Variants in DDX10 observed in about 807,000 individuals in gnomAD.
DDX10 encodes the protein probable ATP-dependent RNA helicase DDX10.
A neutral mutation model predicts 104.3 loss-of-function variants in DDX10; 74 were observed. The observed-to-expected ratio is 0.71, with a 90% confidence interval of 0.59 to 0.86. The LOEUF (loss-of-function observed/expected upper bound fraction) is 0.86, where lower values mean the gene tolerates loss of function less well. DDX10 is among the 40% of genes least tolerant of loss of function. The pLI is 0.00. For missense variants in DDX10, 952 were observed against 1,040.0 expected (o/e 0.92, Z 1.16); for synonymous variants, 351 against 353.4 (o/e 0.99, Z 0.08).
At chr11:108,746,031 C>T (rs779861357) in intron 13 of DDX10, among the ~76,000 whole-genome samples, 2 of 152,084 alleles carry the variant, frequency 1.3e-5, no homozygotes, top group Non-Finnish European at 2.9e-5. Context: ...TTTATCACTT[C>T]CAAAAAGAAC....
chr11:108,833,478 A>G (rs1042160016), intron 13 of DDX10, among the ~76,000 whole-genome samples: 12 of 152,228 alleles, frequency 7.9e-5, no homozygotes, highest in Non-Finnish European at 1.6e-4. Context: ...ATTCTAGAGT[A>G]TCAGACAAAG....
chr11:108,677,413 A>G (rs141732174), intron 4 of DDX10, among the ~76,000 whole-genome samples, 170 bp downstream of exon 4: 120 of 151,996 alleles, frequency 7.9e-4, no homozygotes, highest in African/African-American at 2.8e-3. Flanking sequence ...CTGGTTGCCA[A>G]TTTTGCAGGC....
At chr11:108,887,999 A>G (rs1395219383) in intron 16 of DDX10, among the ~76,000 whole-genome samples, 2 of 151,200 alleles carry the variant, frequency 1.3e-5, no homozygotes, top group African/African-American at 2.4e-5. Flanking sequence ...CTTGGTTTTT[A>G]TAGTGTTTTC....
rs140088277 is a variant in DDX10, at chr11:108,738,694, C to A, written c.1965+15232C>A. Among the ~76,000 whole-genome samples the A allele has an allele frequency of 5.7e-3, 866 of 152,248 alleles. 4 individuals carry two copies. The highest frequency in any genetic ancestry group is 0.024 in the South Asian group (117 of 4,830). On this transcript the variant is annotated intron_variant, in intron 13 of 17. Transcript: ENST00000322536. ...GTTTTATGACAGAAATTTCAGATTT[C>A]TTTGGCTTTTCTGATTCATTTACTG...
chr11:108,767,560 C>CTAAA, intron 13 of DDX10, among the ~76,000 whole-genome samples: 1 of 152,160 alleles, frequency 6.6e-6, no homozygotes, highest in Non-Finnish European at 1.5e-5. Context: ...GTGCTTTATG[C>CTAAA]CCTAGCAGTT....
At position 108,679,523 on chromosome 11, in the gene DDX10, C is replaced by A. The variant is rs142321169; in HGVS notation, c.811C>A (p.Pro271Thr). Residue 271 changes from proline (P) to threonine (T), a missense_variant, in exon 6 of 18, where the codon CCT becomes ACT. By Grantham distance (38) the Pro-to-Thr change is conservative. Transcript: ENST00000322536. ...KDLARLSLKNPEYVWVHEKAK... is the reference protein window; with the variant it reads ...KDLARLSLKNTEYVWVHEKAK... ...CCTTGCACGCTTGAGTTTGAAAAAC[C>A]CTGAGTATGTCTGGGTTCATGAAAA... 1 of 1,611,736 alleles carries A rather than the reference C, an allele frequency of 6.2e-7. No individual in the cohort carries two copies. Among genetic ancestry groups the A allele is most frequent in the Middle Eastern group, 1.7e-4 (1 of 6,044 alleles).
intron 10 of DDX10, 63 bp from the exon 11 acceptor site, chr11:108,715,816 T>C: frequency 1.3e-6 from 1 of 798,280 alleles, no homozygotes; most frequent in Non-Finnish European, 2.1e-6. Flanking sequence ...AAAATGCTGC[T>C]TACTATTTTT....
At chr11:108,803,578 G>T (rs1292532748) in intron 13 of DDX10, among the ~76,000 whole-genome samples, 1 of 83,214 alleles carries the variant, frequency 1.2e-5, no homozygotes, top group Non-Finnish European at 2.3e-5. Flanking sequence ...TGGGCAACAA[G>T]AGCGAAAAAA....
intron 13 of DDX10, among the ~76,000 whole-genome samples, chr11:108,827,687 T>G (rs946480545): frequency 6.6e-6 from 1 of 152,204 alleles, no homozygotes; most frequent in Non-Finnish European, 1.5e-5. Flanking sequence ...TTGTATCTAT[T>G]GTACCCTTCC....
intron 16 of DDX10, among the ~76,000 whole-genome samples, chr11:108,898,795 G>C (rs1394947929): frequency 6.6e-6 from 1 of 152,160 alleles, no homozygotes; most frequent in Non-Finnish European, 1.5e-5. Context: ...CTTGAATGTG[G>C]CGTCCAGAAG....
At chr11:108,672,016 G>A (rs1485093629) in intron 1 of DDX10, among the ~76,000 whole-genome samples, 2 of 141,958 alleles carry the variant, frequency 1.4e-5, no homozygotes, top group Non-Finnish European at 3.0e-5. Flanking sequence ...AGCCAAGTTC[G>A]CGCCACTGCA....
At chr11:108,924,744 C>T (rs1394581136) in intron 17 of DDX10, among the ~76,000 whole-genome samples, 1 of 152,190 alleles carries the variant, frequency 6.6e-6, no homozygotes, top group Non-Finnish European at 1.5e-5. Context: ...ATTTTACAGT[C>T]AGCTTCATAA....
chr11:108,923,450 A>T (rs1472156333), intron 17 of DDX10, among the ~76,000 whole-genome samples: 3 of 152,226 alleles, frequency 2.0e-5, no homozygotes, highest in Admixed American at 2.0e-4. Flanking sequence ...CTTCTGCATT[A>T]TTTAAATCAT....
At chr11:108,735,575 T>C (rs1004363196) in intron 13 of DDX10, among the ~76,000 whole-genome samples, 2 of 152,152 alleles carry the variant, frequency 1.3e-5, no homozygotes, top group Non-Finnish European at 2.9e-5. Context: ...GAAAATATTA[T>C]TGTTCCTCCT....
Position 108,665,359 on chromosome 11 carries a change from G to A in DDX10, c.186+20G>A, listed in dbSNP as rs757540262. ...GAAAAGGTGAGGCCGGCGCTGGGGA[G>A]GGGGCTCGGGCCGGCCAGCAGCGGG... On this transcript the variant is annotated intron_variant, in intron 1 of 17. Coordinates refer to ENST00000322536, the MANE Select transcript of DDX10 (RefSeq NM_004398.4). 6 of 1,548,944 alleles carry A rather than the reference G, an allele frequency of 3.9e-6. No homozygotes were observed. The African/African-American group carries it at 6.9e-5, about 18-fold the overall frequency.
intron 15 of DDX10, among the ~76,000 whole-genome samples, chr11:108,846,417 C>T (rs1378030795): frequency 1.3e-5 from 2 of 152,166 alleles, no homozygotes; most frequent in East Asian, 1.9e-4. Flanking sequence ...TCCCTTTGCC[C>T]ATCTCCCCTG....
At chr11:108,908,191 A>C (rs1371810244) in intron 16 of DDX10, among the ~76,000 whole-genome samples, 1 of 152,236 alleles carries the variant, frequency 6.6e-6, no homozygotes, top group Non-Finnish European at 1.5e-5. Flanking sequence ...TTAACTACTG[A>C]GGATGGTCAG....
intron 13 of DDX10, among the ~76,000 whole-genome samples, chr11:108,748,574 A>G (rs926047271): frequency 5.3e-5 from 8 of 152,226 alleles, no homozygotes; most frequent in Admixed American, 2.6e-4. Context: ...CCGAATTAAA[A>G]TAGAAATCAG....
chr11:108,702,009 C>G (rs199520784), intron 9 of DDX10, among the ~76,000 whole-genome samples: 2 of 152,072 alleles, frequency 1.3e-5, no homozygotes, highest in Non-Finnish European at 2.9e-5. Flanking sequence ...TCTGCTGAAA[C>G]AGCTTCTAGT....
Sources: allele counts gnomAD v4.1 joint callset (sites outside exome capture counted in the v4.1 genomes callset), GRCh38; gene constraint gnomAD v4.1.1; transcripts MANE v1.5; gene names NCBI Gene and HGNC (gene_info 2026-07-23, HGNC 2026-07-21).